Variants in ARHGAP29 observed in about 807,000 individuals in gnomAD.
ARHGAP29 encodes Rho GTPase activating protein 29.
A neutral mutation model predicts 122.6 loss-of-function variants in ARHGAP29; 43 were observed. That is an observed-to-expected ratio of 0.35 (90% CI 0.27 to 0.45). The LOEUF is 0.45. ARHGAP29 is among the 20% of genes least tolerant of loss of function. The pLI, the probability that ARHGAP29 is intolerant of heterozygous loss-of-function variation, is 1.00. For missense variants in ARHGAP29, 1,303 were observed against 1,477.2 expected, an observed-to-expected ratio of 0.88 and a Z score of 1.93; for synonymous variants, 506 against 497.1, an observed-to-expected ratio of 1.02 and a Z score of -0.24.
In ARHGAP29 at chr1:94,172,587, G is replaced by A. The variant is rs189201599; in HGVS notation, c.*1282C>T. 1.4e-4 allele frequency: 20 copies of A among 142,012 alleles called. No homozygotes were observed. In the Admixed American group the frequency reaches 1.5e-3, roughly 10 times the overall value. The allele number at this position is 142,012 out of a possible 1,614,324, so 8.8% of individuals were successfully genotyped here. On this transcript the variant is annotated 3_prime_UTR_variant, in exon 23 of 23. Transcript: ENST00000260526. ...AGGCAACAACTGAAAAGAAGCCACG[G>A]GAACATGAAATAATTTAACAAGTTG...
chr1:94,303,855 T>C, the ARHGAP29 span, among the ~76,000 whole-genome samples: 1 of 152,228 alleles, frequency 6.6e-6, no homozygotes. Flanking sequence ...TTTTCTATTA[T>C]GCCATGTTAC....
chr1:94,233,711 C>T (rs544740834), intron 1 of ARHGAP29, among the ~76,000 whole-genome samples: 11 of 152,242 alleles, frequency 7.2e-5, no homozygotes, highest in African/African-American at 1.9e-4. Context: ...TATTTGTTTA[C>T]GATGACTCTC....
chr1:94,298,373 A>T, the ARHGAP29 span, among the ~76,000 whole-genome samples: 1 of 152,196 alleles, frequency 6.6e-6, no homozygotes, highest in Non-Finnish European at 1.5e-5. Flanking sequence ...GAGATTGAGC[A>T]TTGGGTCTTT....
chr1:94,310,125 A>G, the ARHGAP29 span, among the ~76,000 whole-genome samples: 1 of 152,232 alleles, frequency 6.6e-6, no homozygotes. Context: ...TTGCTATTTA[A>G]TATCGGTACA....
At chr1:94,251,898 T>C (rs549360409) in intron 1 of ARHGAP29, among the ~76,000 whole-genome samples, 1 of 152,338 alleles carries the variant, frequency 6.6e-6, no homozygotes, top group Non-Finnish European at 1.5e-5. Flanking sequence ...TTGGTTTATT[T>C]ACAGATTTTT....
At chr1:94,182,471 T>C (rs1649537823) in intron 19 of ARHGAP29, among the ~76,000 whole-genome samples, 1 of 151,994 alleles carries the variant, frequency 6.6e-6, no homozygotes. Flanking sequence ...CCCTGAATAG[T>C]GGATAAAATA....
chr1:94,292,454 G>A, the ARHGAP29 span, among the ~76,000 whole-genome samples: 7 of 152,134 alleles, frequency 4.6e-5, no homozygotes, highest in African/African-American at 1.7e-4. Flanking sequence ...GCCTACTTCC[G>A]TCAACTTGTC....
intron 1 of ARHGAP29, among the ~76,000 whole-genome samples, chr1:94,257,895 A>G (rs1429243804): frequency 6.6e-6 from 1 of 152,212 alleles, no homozygotes; most frequent in Non-Finnish European, 1.5e-5. Flanking sequence ...AACCCCTGAG[A>G]GCACCTGAAT....
At chr1:94,257,155 G>A (rs1373460058) in intron 1 of ARHGAP29, among the ~76,000 whole-genome samples, 14 of 151,780 alleles carry the variant, frequency 9.2e-5, no homozygotes, top group Admixed American at 9.2e-4. Flanking sequence ...TGTAATCCCA[G>A]CACTTTGGGA....
chr1:94,220,462 C>G, intron 2 of ARHGAP29, 70 bp from the exon 3 acceptor site: 2 of 1,353,188 alleles, frequency 1.5e-6, no homozygotes, highest in South Asian at 2.8e-5. Context: ...AAAACGTCAT[C>G]TGAAGCACAT....
At chr1:94,227,600 C>G (rs1309875256) in intron 2 of ARHGAP29, among the ~76,000 whole-genome samples, 1 of 151,714 alleles carries the variant, frequency 6.6e-6, no homozygotes, top group African/African-American at 2.4e-5. Flanking sequence ...ACTATTCTTT[C>G]TAGCCCAATT....
intron 1 of ARHGAP29, among the ~76,000 whole-genome samples, chr1:94,255,555 G>C (rs1654309231): frequency 6.6e-6 from 1 of 152,190 alleles, no homozygotes; most frequent in Non-Finnish European, 1.5e-5. Context: ...ACCTGTGGCT[G>C]CAAATTGCCA....
chr1:94,292,325 G>C, the ARHGAP29 span, among the ~76,000 whole-genome samples: 7 of 152,232 alleles, frequency 4.6e-5, no homozygotes, highest in African/African-American at 1.7e-4. Flanking sequence ...GCTCTTCTCT[G>C]CACTGGTTAT....
In ARHGAP29 at chr1:94,172,147, A is replaced by G. The variant is rs887539141; in HGVS notation, c.*1722T>C. The G allele has an allele frequency of 6.6e-6, 1 of 152,166 alleles. No homozygotes were observed. The highest frequency in any genetic ancestry group is 2.4e-5 in the African/African-American group (1 of 41,450). The allele number at this position is 152,166 out of a possible 1,614,324, so 9.4% of individuals were successfully genotyped here. On this transcript the variant is annotated 3_prime_UTR_variant, in exon 23 of 23. Coordinates refer to ENST00000260526, the MANE Select transcript of ARHGAP29 (RefSeq NM_004815.4). ...TTTGAGATTTGACTCCACCTGTTACACCTGTGGAACACTGAAGCAAGTCAT... is the reference window on the plus strand; with the variant it reads ...TTTGAGATTTGACTCCACCTGTTACGCCTGTGGAACACTGAAGCAAGTCAT...
intron 2 of ARHGAP29, among the ~76,000 whole-genome samples, chr1:94,228,906 T>C (rs1652771650): frequency 1.3e-5 from 2 of 151,836 alleles, no homozygotes; most frequent in South Asian, 4.1e-4. Context: ...AAAAATGTAT[T>C]CTGACTAAAC....
chr1:94,262,269 A>C (rs1654588871), intron 1 of ARHGAP29, among the ~76,000 whole-genome samples: 1 of 152,222 alleles, frequency 6.6e-6, no homozygotes, highest in Non-Finnish European at 1.5e-5. Flanking sequence ...GGATGGATTA[A>C]AGACTTAAAT....
At chr1:94,211,750 T>C (rs1651633663) in intron 3 of ARHGAP29, among the ~76,000 whole-genome samples, 1 of 152,166 alleles carries the variant, frequency 6.6e-6, no homozygotes, top group Admixed American at 6.5e-5. Flanking sequence ...TATTTTTTTA[T>C]TTTTAAATTT....
the ARHGAP29 span, among the ~76,000 whole-genome samples, chr1:94,297,653 T>C: frequency 6.6e-6 from 1 of 152,190 alleles, no homozygotes; most frequent in African/African-American, 2.4e-5. Context: ...GTTACGCTCG[T>C]CAGTCACCCA....
chr1:94,305,245 C>T, the ARHGAP29 span, among the ~76,000 whole-genome samples: 2 of 152,196 alleles, frequency 1.3e-5, no homozygotes, highest in East Asian at 1.9e-4. Flanking sequence ...ATCAAAGCCA[C>T]GGTGCTGGAA....
Sources: gnomAD v4.1 joint callset for allele counts (sites outside exome capture counted in the v4.1 genomes callset) on GRCh38, gnomAD v4.1.1 for gene constraint, MANE v1.5 for transcripts, NCBI Gene and HGNC (gene_info 2026-07-23, HGNC 2026-07-21) for gene names.